The following WDR41 variants were observed in gnomAD, a reference collection of about 807,000 sequenced individuals.
The protein encoded by WDR41 is WD repeat domain 41.
WDR41 carries 63 observed loss-of-function variants against 69.3 expected under a neutral mutation model. The ratio of observed to expected loss-of-function variants is 0.91; its 90% CI spans 0.74 to 1.12. The LOEUF (loss-of-function observed/expected upper bound fraction) is 1.12. WDR41 is among the 50% of genes most tolerant of loss of function. The pLI, the probability that WDR41 is intolerant of heterozygous loss-of-function variation, is 0.00. For missense variants in WDR41, 543 were observed against 534.5 expected, an observed-to-expected ratio of 1.02 and a Z score of -0.16; for synonymous variants, 185 against 192.1, an observed-to-expected ratio of 0.96 and a Z score of 0.31.
At chr5:77,433,341 T>TA in intron 12 of WDR41, 54 bp from the exon 13 acceptor site, 1 of 1,534,564 alleles carries the variant, frequency 6.5e-7, no homozygotes, top group Non-Finnish European at 8.9e-7. Flanking sequence ...GAGAAGTGTC[T>TA]AATACCACAT....
At chr5:77,557,306 A>G (rs1479435613) in intron 1 of WDR41, among the ~76,000 whole-genome samples, 1 of 152,158 alleles carries the variant, frequency 6.6e-6, no homozygotes, top group Non-Finnish European at 1.5e-5. Flanking sequence ...AAATAAGTAA[A>G]CCACACTCTG....
At chr5:77,599,189 C>T (rs566140539) in intron 1 of WDR41, among the ~76,000 whole-genome samples, 52 of 138,496 alleles carry the variant, frequency 3.8e-4, no homozygotes, top group East Asian at 2.6e-3. Flanking sequence ...TCTTGCTAAT[C>T]GGAAGCTCTT....
At chr5:77,536,103 C>A (rs1399863904) in intron 1 of WDR41, among the ~76,000 whole-genome samples, 1 of 152,094 alleles carries the variant, frequency 6.6e-6, no homozygotes, top group East Asian at 1.9e-4. Context: ...TTTCTTGGCT[C>A]AATGCAAATA....
intron 12 of WDR41, among the ~76,000 whole-genome samples, chr5:77,434,639 A>T (rs948485759): frequency 6.6e-6 from 1 of 151,650 alleles, no homozygotes; most frequent in African/African-American, 2.4e-5. Flanking sequence ...TGGGAGGCGG[A>T]GAGTACAGTG....
intron 5 of WDR41, among the ~76,000 whole-genome samples, chr5:77,457,127 T>C (rs1004482371): frequency 6.6e-6 from 1 of 152,200 alleles, no homozygotes; most frequent in Non-Finnish European, 1.5e-5. Flanking sequence ...GTGTTGGAGT[T>C]TGTCAAATGC....
chr5:77,472,148 T>C (rs1363560445), intron 2 of WDR41, among the ~76,000 whole-genome samples: 2 of 152,150 alleles, frequency 1.3e-5, no homozygotes, highest in Non-Finnish European at 2.9e-5. Context: ...TAATTCAGCA[T>C]ATAAACAGAA....
At chr5:77,437,617 C>G (rs997982687) in intron 10 of WDR41, among the ~76,000 whole-genome samples, 193 bp from the exon 11 acceptor site, 1 of 152,114 alleles carries the variant, frequency 6.6e-6, no homozygotes, top group African/African-American at 2.4e-5. Flanking sequence ...ACATGTTACT[C>G]GTTACATTAG....
intron 1 of WDR41, among the ~76,000 whole-genome samples, chr5:77,588,524 A>C (rs1361892617): frequency 1.3e-5 from 2 of 152,140 alleles, no homozygotes; most frequent in Admixed American, 6.5e-5. Flanking sequence ...TTTGGAAAAA[A>C]AATGACCCTT....
At chr5:77,478,885 T>C (rs1801092263) in intron 2 of WDR41, among the ~76,000 whole-genome samples, 1 of 151,962 alleles carries the variant, frequency 6.6e-6, no homozygotes, top group African/African-American at 2.4e-5. Context: ...GAAGTCAAAC[T>C]GTCCCTGTTT....
rs757414383 is a variant in WDR41 at position 77,436,284 on chromosome 5, T to G, written c.1204A>C (p.Ile402Leu). Residue 402 changes from isoleucine (I) to leucine (L), a missense_variant, in exon 12 of 13, where the codon ATT becomes CTT. Transcript: ENST00000296679. ...SCSLELIGDLIGHSSSVEMFL... is the reference protein window; with the variant it reads ...SCSLELIGDLLGHSSSVEMFL... ...ACCTCCACAGATGATGAGTGTCCAA[T>G]CAAATCTCCAATAAGCTCCAGTGAA... 1 of 1,613,916 alleles carries G rather than the reference T, an allele frequency of 6.2e-7. No individual in the cohort carries two copies. Among genetic ancestry groups the G allele is most frequent in the Non-Finnish European group, 8.5e-7 (1 of 1,179,958 alleles).
chr5:77,619,459 C>T (rs1260369122), intron 1 of WDR41, among the ~76,000 whole-genome samples: 1 of 152,124 alleles, frequency 6.6e-6, no homozygotes, highest in Non-Finnish European at 1.5e-5. Context: ...TATTACACCC[C>T]TAGAGACCCC....
chr5:77,606,111 C>T (rs998903989), intron 1 of WDR41, among the ~76,000 whole-genome samples: 1 of 152,184 alleles, frequency 6.6e-6, no homozygotes, highest in African/African-American at 2.4e-5. Flanking sequence ...CAGAATTCAT[C>T]CCTCTTTACA....
chr5:77,580,081 G>T lies in WDR41; in HGVS notation c.42+40398C>A, dbSNP rs560425788. 6.0e-3 allele frequency among the ~76,000 whole-genome samples: 890 copies of T among 148,418 alleles called. 10 individuals carry two copies. The highest frequency in any genetic ancestry group is 5.4e-3 in the Non-Finnish European group (370 of 68,010). On this transcript the variant is annotated intron_variant, in intron 1 of 5. Transcript: ENST00000509971. ...TATATAAGAGTAACATTGATAGATA[G>T]ATAGATTAGATAGATAGACATTATT... is the stretch of plus-strand genomic sequence containing the variant.
chr5:77,435,277 G>A (rs893883430), intron 12 of WDR41, among the ~76,000 whole-genome samples: 1 of 152,206 alleles, frequency 6.6e-6, no homozygotes, highest in African/African-American at 2.4e-5. Flanking sequence ...CAGCTCAAGT[G>A]TCAAGTCCTA....
At chr5:77,605,023 G>A (rs142405778) in intron 1 of WDR41, among the ~76,000 whole-genome samples, 93 of 152,284 alleles carry the variant, frequency 6.1e-4, no homozygotes, top group African/African-American at 2.2e-3. Flanking sequence ...GAGAATTTCG[G>A]TATGGGGGCA....
chr5:77,451,384 T>A, intron 6 of WDR41, 31 bp from the exon 7 acceptor site: 2 of 1,595,568 alleles, frequency 1.3e-6, no homozygotes, highest in Non-Finnish European at 1.7e-6. Context: ...AAGTTCAAAT[T>A]ATTTTTCTCA....
At chr5:77,476,017 T>G (rs1053898159) in intron 2 of WDR41, among the ~76,000 whole-genome samples, 2 of 151,838 alleles carry the variant, frequency 1.3e-5, no homozygotes, top group African/African-American at 4.8e-5. Flanking sequence ...CAGAACTACA[T>G]GAAGAATGCA....
intron 2 of WDR41, among the ~76,000 whole-genome samples, chr5:77,467,276 G>T (rs1800347522): frequency 6.6e-6 from 1 of 151,848 alleles, no homozygotes; most frequent in Non-Finnish European, 1.5e-5. Flanking sequence ...AAAAACTTAA[G>T]CCTAAAGATA....
chr5:77,464,894 G>A, intron 2 of WDR41, 85 bp from the exon 3 acceptor site: 1 of 1,322,316 alleles, frequency 7.6e-7, no homozygotes, highest in South Asian at 1.2e-5. Flanking sequence ...CTTATTAGTG[G>A]TATTTTGACT....
Sources: gnomAD v4.1 joint callset for allele counts (sites outside exome capture counted in the v4.1 genomes callset) on GRCh38, gnomAD v4.1.1 for gene constraint, MANE v1.5 for transcripts, NCBI Gene and HGNC (gene_info 2026-07-23, HGNC 2026-07-21) for gene names.